ATP11C: variants seen among roughly 807,000 people sequenced by gnomAD.
ATP11C encodes ATPase phospholipid transporting 11C (ATP11C blood group).
In ATP11C, 36 loss-of-function variants were observed where a neutral mutation model predicts 97.4. The ratio of observed to expected loss-of-function variants is 0.37; its 90% CI spans 0.28 to 0.49. ATP11C has a LOEUF of 0.49. Among genes scored for constraint, ATP11C ranks in the 20% least tolerant of loss-of-function variants. The pLI, the probability that ATP11C is intolerant of heterozygous loss-of-function variation, is 0.98. For synonymous variants in ATP11C, 275 were observed against 290.9 expected (o/e 0.95, Z 0.56); for missense variants, 730 against 824.6 (o/e 0.89, Z 1.40).
intron 1 of ATP11C, among the ~76,000 whole-genome samples, chrX:139,911,445 T>C (rs997487611): frequency 2.7e-5 from 3 of 111,943 alleles, no homozygotes; most frequent in Non-Finnish European, 5.6e-5. Flanking sequence ...CACAATAGAT[T>C]GGCAAAAAGA....
At chrX:139,811,741 C>T (rs1179268267) in intron 5 of ATP11C, among the ~76,000 whole-genome samples, 7 of 110,888 alleles carry the variant, frequency 6.3e-5, no homozygotes, top group Non-Finnish European at 1.3e-4. Flanking sequence ...CAAATCCCAG[C>T]TTTCCAACTT....
chrX:139,782,688 G>C lies in ATP11C; in HGVS notation c.1811C>G (p.Ala604Gly). The C allele has an allele frequency of 1.7e-6, 2 of 1,205,543 alleles. No homozygotes were observed. Among genetic ancestry groups the C allele is most frequent in the Non-Finnish European group, 2.2e-6 (2 of 891,935 alleles). The change falls in exon 18 of 30, where the codon GCT (alanine) becomes GGT (glycine). Residue 604 changes from alanine to glycine, a missense_variant. Physicochemically the swap from Ala to Gly is moderately conservative, Grantham distance 60. Transcript: ENST00000682941. ...GTTAATTCTTTCATAATCATCTGGAGCAATTTCTTTGAAGGCTACACAGAG... is the reference window on the plus strand; with the variant it reads ...GTTAATTCTTTCATAATCATCTGGACCAATTTCTTTGAAGGCTACACAGAG... Reference protein sequence around the residue: ...RTLCVAFKEIAPDDYERINRQ... With the variant: ...RTLCVAFKEIGPDDYERINRQ...
At chrX:139,868,012 C>T (rs1033532035) in intron 1 of ATP11C, among the ~76,000 whole-genome samples, 2 of 111,311 alleles carry the variant, frequency 1.8e-5, no homozygotes, top group African/African-American at 6.5e-5. Context: ...TAAATGGGGA[C>T]ATTATCACCT....
intron 16 of ATP11C, among the ~76,000 whole-genome samples, chrX:139,784,554 G>A (rs191775510): frequency 9.4e-4 from 105 of 111,338 alleles, no homozygotes; most frequent in Non-Finnish European, 1.3e-3. Flanking sequence ...GAGAGCCTTC[G>A]AATAAAGCAG....
intron 2 of ATP11C, among the ~76,000 whole-genome samples, chrX:139,825,323 A>G (rs2083506175): frequency 9.0e-6 from 1 of 111,576 alleles, no homozygotes; most frequent in African/African-American, 3.3e-5. Context: ...CCATGTGCCT[A>G]AATTTCTCTG....
chrX:139,919,998 AT>A lies in ATP11C; in HGVS notation c.27+12017del, dbSNP rs774844453. On this transcript the variant is annotated intron_variant, in intron 1 of 29. Transcript: ENST00000682941. Reference sequence around the variant, plus strand: ...GAGTCAAAAAGTGCGAACAACCCAAATGTCCATCAGCTGATGAACAGATAAA... The same window carrying A: ...GAGTCAAAAAGTGCGAACAACCCAAAGTCCATCAGCTGATGAACAGATAAA... Among the ~76,000 whole-genome samples the A allele has an allele frequency of 2.0e-3, 227 of 111,966 alleles. 1 individual carries two copies. Among genetic ancestry groups the A allele is most frequent in the African/African-American group, 7.2e-3 (221 of 30,835 alleles).
intron 8 of ATP11C, 37 bp downstream of exon 8, chrX:139,800,023 C>CG (rs1231977571): frequency 3.3e-6 from 2 of 607,518 alleles, no homozygotes; most frequent in Non-Finnish European, 5.1e-6. Flanking sequence ...ACCCCCCCCC[C>CG]CAACCAAAGG....
At chrX:139,856,426 ATCAG>A (rs1277385573) in intron 1 of ATP11C, among the ~76,000 whole-genome samples, 1 of 112,765 alleles carries the variant, frequency 8.9e-6, no homozygotes, top group Non-Finnish European at 1.9e-5. Context: ...AAGCTTACCA[ATCAG>A]TCAGCCTTTA....
At chrX:139,925,072 C>T (rs780428335) in intron 1 of ATP11C, among the ~76,000 whole-genome samples, 49 of 111,297 alleles carry the variant, frequency 4.4e-4, no homozygotes, top group Non-Finnish European at 7.7e-4. Context: ...CCCATTCTAT[C>T]GATGAAGAAA....
intron 20 of ATP11C, 130 bp downstream of exon 20, chrX:139,768,130 G>T: frequency 2.3e-6 from 1 of 432,769 alleles, no homozygotes; most frequent in Non-Finnish European, 3.4e-6. Flanking sequence ...AAAGAAAGAA[G>T]CCTTGGAGGA....
chrX:139,780,269 A>G (rs2082423822), intron 18 of ATP11C, among the ~76,000 whole-genome samples: 1 of 111,431 alleles, frequency 9.0e-6, no homozygotes, highest in South Asian at 3.8e-4. Context: ...ATAGGCCATT[A>G]TTCATGATGA....
intron 1 of ATP11C, 46 bp downstream of exon 1, chrX:139,931,970 C>A (rs1245833666): frequency 2.6e-6 from 3 of 1,142,722 alleles, no homozygotes; most frequent in East Asian, 6.7e-5. Flanking sequence ...AAGGGGCTGG[C>A]GAGCAAGCAA....
chrX:139,829,945 A>G (rs1437067920), intron 1 of ATP11C, among the ~76,000 whole-genome samples: 1 of 111,456 alleles, frequency 9.0e-6, no homozygotes, highest in Non-Finnish European at 1.9e-5. Context: ...TTAAAATCCT[A>G]TGTCTTTGCT....
chrX:139,764,855 A>G (rs1187450125), intron 20 of ATP11C, among the ~76,000 whole-genome samples: 1 of 112,096 alleles, frequency 8.9e-6, no homozygotes, highest in Non-Finnish European at 1.9e-5. Context: ...AACTTTACAG[A>G]AGACTGTCAG....
intron 5 of ATP11C, among the ~76,000 whole-genome samples, chrX:139,811,962 A>G (rs1389430331): frequency 8.9e-6 from 1 of 111,975 alleles, no homozygotes; most frequent in Non-Finnish European, 1.9e-5. Context: ...TCATCCTAAT[A>G]TAAGCCCTTA....
chrX:139,766,721 T>C (rs1045762639), intron 20 of ATP11C, among the ~76,000 whole-genome samples: 1 of 111,379 alleles, frequency 9.0e-6, no homozygotes, highest in Non-Finnish European at 1.9e-5. Context: ...CTAACACATA[T>C]GAAAGAATAT....
chrX:139,819,450 A>C, intron 2 of ATP11C, 23 bp from the exon 3 acceptor site: 1 of 832,818 alleles, frequency 1.2e-6, no homozygotes, highest in East Asian at 3.2e-5. Context: ...AAGAAAAAAG[A>C]ACACTGTTAT....
intron 1 of ATP11C, among the ~76,000 whole-genome samples, chrX:139,896,196 A>T: frequency 9.0e-6 from 1 of 111,445 alleles, no homozygotes; most frequent in South Asian, 3.8e-4. Flanking sequence ...CCAAGTTAAC[A>T]TCATCAATGA....
At chrX:139,876,279 G>T (rs780265038) in intron 1 of ATP11C, among the ~76,000 whole-genome samples, 4 of 112,026 alleles carry the variant, frequency 3.6e-5, no homozygotes, top group East Asian at 5.6e-4. Flanking sequence ...AAAATGGTGT[G>T]TTTTTTCCCA....
Sources: gnomAD v4.1 joint callset for allele counts (sites outside exome capture counted in the v4.1 genomes callset) on GRCh38, gnomAD v4.1.1 for gene constraint, MANE v1.5 for transcripts, NCBI Gene and HGNC (gene_info 2026-07-23, HGNC 2026-07-21) for gene names.